The following OGFOD2 variants were observed in gnomAD, a reference collection of about 807,000 sequenced individuals.
The protein encoded by OGFOD2 is 2-oxoglutarate and iron-dependent oxygenase domain-containing protein 2.
Under a neutral mutation model 31.1 loss-of-function variants are expected in OGFOD2, and 34 were observed. The observed-to-expected ratio is 1.09, with a 90% confidence interval of 0.83 to 1.45. The LOEUF (loss-of-function observed/expected upper bound fraction) is 1.45, where lower values mean the gene tolerates loss of function less well. Among genes scored for constraint, OGFOD2 ranks in the 40% most tolerant of loss-of-function variants. The pLI is 0.00. For synonymous variants in OGFOD2, 240 were observed against 192.3 expected, an observed-to-expected ratio of 1.25 and a Z score of -2.05; for missense variants, 537 against 433.9, an observed-to-expected ratio of 1.24 and a Z score of -2.11.
exon 1 of OGFOD2, chr12:122,975,275 G>T: frequency 1.4e-6 from 1 of 689,766 alleles, no homozygotes; most frequent in Non-Finnish European, 2.7e-6. Flanking sequence ...GGGCTCCGCG[G>T]CACTTCTGCC....
chr12:122,979,100 G>A (rs770826559), exon 7 of OGFOD2: 49 of 1,599,212 alleles, frequency 3.1e-5, no homozygotes, highest in Middle Eastern at 1.7e-4. Flanking sequence ...CAGCCCTGAC[G>A]GAGCCCCTGG....
At position 122,975,868 on chromosome 12, in the gene OGFOD2, G is replaced by A. The variant is rs2037408114; in HGVS notation, c.189+1G>A. 1.4e-6 allele frequency: 1 copy of A among 702,750 alleles called. No homozygotes were observed. The highest frequency in any genetic ancestry group is 2.6e-6 in the Non-Finnish European group (1 of 384,916). 43.5% of individuals were successfully genotyped at this position (702,750 alleles called of 1,614,324 possible). On this transcript the variant is annotated splice_donor_variant, in intron 2 of 6. Transcript: ENST00000228922. LOFTEE classifies it high-confidence loss of function. ...GGACTTCCAGCAGCTGTTAGCAGAG[G>A]TACCAGTCCCCTGCCCCTGCACAGC...
rs961980907 is a variant in OGFOD2 at position 122,976,563 on chromosome 12, G to C, written c.190-91G>C. The C allele has an allele frequency of 8.4e-6, 11 of 1,307,822 alleles. No individual in the cohort carries two copies. In the Admixed American group the frequency reaches 1.2e-4, roughly 15 times the overall value. The allele number at this position is 1,307,822 out of a possible 1,614,324, so 81.0% of individuals were successfully genotyped here. On this transcript the variant is annotated intron_variant, in intron 2 of 6. Coordinates refer to ENST00000228922, the Ensembl canonical transcript of OGFOD2. ...AGACTTGGCTTCCAGCCTGGGCCCT[G>C]TCTGGCGTTCTGGGCTTCAGTTTCT...
chr12:122,976,943 C>T (rs1368516308), exon 4 of OGFOD2: 1 of 1,613,892 alleles, frequency 6.2e-7, no homozygotes. Context: ...CCTCAAGGGC[C>T]TTCTCCAGCG....
At chr12:122,979,206 G>T (rs1013351336) in exon 7 of OGFOD2, 2 of 1,612,266 alleles carry the variant, frequency 1.2e-6, no homozygotes, top group East Asian at 2.2e-5. Flanking sequence ...GAACCTTGTC[G>T]TCTGGCTCCG....
chr12:122,979,175 C>G (rs749163527), exon 7 of OGFOD2: 5 of 1,611,516 alleles, frequency 3.1e-6, no homozygotes, highest in Non-Finnish European at 4.2e-6. Context: ...GAGCCCGGCC[C>G]TTGGGCACTG....
At chr12:122,975,535 C>T (rs1233580992) in intron 1 of OGFOD2, 152 bp downstream of exon 1, 2 of 594,448 alleles carry the variant, frequency 3.4e-6, no homozygotes, top group Non-Finnish European at 6.0e-6. Context: ...GTTTTCTCAC[C>T]GTAAAGGGGT....
intron 1 of OGFOD2, 185 bp downstream of exon 1, chr12:122,975,568 G>GT: frequency 1.7e-6 from 1 of 591,838 alleles, no homozygotes; most frequent in South Asian, 2.0e-5. Flanking sequence ...CTGTGAGATT[G>GT]TGAGGAAGGA....
rs1041880811 is a variant in OGFOD2, at chr12:122,976,651, C to T, written c.190-3C>T. On this transcript the variant is annotated splice_region_variant and splice_polypyrimidine_tract_variant and intron_variant, in intron 2 of 6. Coordinates refer to ENST00000228922, the Ensembl canonical transcript of OGFOD2. ...ACCTGGTAACAACCCTGTGCCACCC[C>T]AGCTTGAGCAGGAGGTGGAGCGGCG... 2 of 1,593,566 alleles carry T rather than the reference C, an allele frequency of 1.3e-6. No individual in the cohort carries two copies. The highest frequency in any genetic ancestry group is 2.7e-5 in the African/African-American group (2 of 74,692).
At chr12:122,979,721 C>G (rs2037558541) in exon 7 of OGFOD2, 1 of 249,054 alleles carries the variant, frequency 4.0e-6, no homozygotes, top group Middle Eastern at 1.3e-3. Context: ...GAATAACTTC[C>G]CAGACACTTA....
chr12:122,976,717 A>G (rs752127769), exon 3 of OGFOD2: 26 of 1,613,760 alleles, frequency 1.6e-5, no homozygotes, highest in South Asian at 1.2e-4. Flanking sequence ...GAAAGCCCTC[A>G]TCGCGAGTTC....
chr12:122,978,603 G>A (rs760192898), intron 5 of OGFOD2, 34 bp downstream of exon 5: 2 of 1,604,804 alleles, frequency 1.2e-6, no homozygotes, highest in African/African-American at 1.3e-5. Context: ...AGAGGAGGGG[G>A]TGGCTGGGGT....
chr12:122,976,082 C>T (rs2037418530), intron 2 of OGFOD2: 1 of 596,564 alleles, frequency 1.7e-6, no homozygotes, highest in Non-Finnish European at 3.0e-6. Context: ...CCTAGTCATG[C>T]CGTTCTTAAC....
At position 122,975,868 on chromosome 12, in the gene OGFOD2, G is replaced by T. The variant is rs2037408114; in HGVS notation, c.189+1G>T. 4.3e-6 allele frequency: 3 copies of T among 702,868 alleles called. No homozygotes were observed. The East Asian group carries it at 8.0e-5, about 19-fold the overall frequency. The allele number at this position is 702,868 out of a possible 1,614,324, so 43.5% of individuals were successfully genotyped here. A position where few individuals can be genotyped will look rare whatever the true frequency, so the allele number is the denominator to read the frequency against. ...GGACTTCCAGCAGCTGTTAGCAGAGGTACCAGTCCCCTGCCCCTGCACAGC... is the reference window on the plus strand; with the variant it reads ...GGACTTCCAGCAGCTGTTAGCAGAGTTACCAGTCCCCTGCCCCTGCACAGC... On this transcript the variant is annotated splice_donor_variant, in intron 2 of 6. Coordinates refer to ENST00000228922, the Ensembl canonical transcript of OGFOD2. LOFTEE classifies it high-confidence loss of function.
At chr12:122,979,241 C>T (rs1292304212) in exon 7 of OGFOD2, 1 of 1,612,826 alleles carries the variant, frequency 6.2e-7, no homozygotes, top group Non-Finnish European at 8.5e-7. Flanking sequence ...GCAACAGCCT[C>T]TGTCCCATGT....
chr12:122,979,319 C>G, exon 7 of OGFOD2: 1 of 1,611,704 alleles, frequency 6.2e-7, no homozygotes. Flanking sequence ...AGGAGCCCGC[C>G]ACGGTGGATG....
At chr12:122,976,539 G>GAC in intron 2 of OGFOD2, 115 bp from the exon 3 acceptor site, 1 of 1,306,088 alleles carries the variant, frequency 7.7e-7, no homozygotes. Context: ...GTGTAGGCTA[G>GAC]ACTTGGCTTC....
chr12:122,979,494 CCT>C, exon 7 of OGFOD2: 2 of 1,040,772 alleles, frequency 1.9e-6, no homozygotes, highest in Non-Finnish European at 2.7e-6. Flanking sequence ...AAAGATGCTG[CCT>C]TAGTTCAGGT....
chr12:122,976,279 CCCT>C (rs772453353), intron 2 of OGFOD2: 18 of 1,208,434 alleles, frequency 1.5e-5, no homozygotes, highest in East Asian at 2.4e-5. Context: ...CTGCCCCACT[CCCT>C]CCTCCTCCTT....
Sources: allele counts gnomAD v4.1 joint callset, GRCh38; gene constraint gnomAD v4.1.1; transcripts MANE v1.5; gene names NCBI Gene and HGNC (gene_info 2026-07-23, HGNC 2026-07-21).